Variants in IRX4 observed in about 807,000 individuals in gnomAD.
IRX4 encodes iroquois-class homeodomain protein IRX-4.
IRX4 carries 22 observed loss-of-function variants against 32.0 expected under a neutral mutation model. The ratio of observed to expected loss-of-function variants is 0.69; its 90% CI spans 0.49 to 0.98. The LOEUF is 0.98. IRX4 is among the 50% of genes least tolerant of loss of function. IRX4 has a pLI of 0.00. For synonymous variants in IRX4, 379 were observed against 351.7 expected (o/e 1.08, Z -0.87); for missense variants, 840 against 744.2 (o/e 1.13, Z -1.50).
rs546697150 is a variant in IRX4 at position 1,879,148 on chromosome 5, C to T, written c.736+356G>A. ...CTGGGACTACAGGCGCCCGCCACCA[C>T]GCCCGGCTAATTTTTTGTATTTTTA... On this transcript the variant is annotated intron_variant, in intron 4 of 4. Transcript: ENST00000231357. Among the ~76,000 whole-genome samples the T allele has an allele frequency of 4.6e-5, 7 of 152,208 alleles. No homozygotes were observed. In the South Asian group the frequency reaches 8.3e-4, roughly 18 times the overall value.
chr5:1,882,733 G>T lies in IRX4; in HGVS notation c.-86C>A. ...GTGGCGCGGCCACTGCTCCGGAGCT[G>T]CAGGCTTCTAGGCGCTGGGAGGGCG... On this transcript the variant is annotated 5_prime_UTR_variant, in exon 1 of 5. The change creates a premature stop within an existing upstream ORF in the 5' untranslated region. Transcript: ENST00000231357. The T allele has an allele frequency of 1.1e-6, 1 of 874,690 alleles. No homozygotes were observed. The highest frequency in any genetic ancestry group is 1.6e-6 in the Non-Finnish European group (1 of 626,024). The allele number at this position is 874,690 out of a possible 1,614,324, so 54.2% of individuals were successfully genotyped here.
chr5:1,882,868 C>A lies in IRX4; in HGVS notation c.-221G>T. On this transcript the variant is annotated 5_prime_UTR_variant, in exon 1 of 5. Coordinates refer to ENST00000231357, the MANE Select transcript of IRX4 (RefSeq NM_016358.3). ...TTCCTTTAACTTCGCATTCCGGAGG[C>A]TCGAGGGGGCTCTGGGACCGAGCGG... The A allele has an allele frequency of 2.6e-6, 1 of 388,728 alleles. No homozygotes were observed. Among genetic ancestry groups the A allele is most frequent in the Non-Finnish European group, 4.6e-6 (1 of 219,414 alleles). The allele number at this position is 388,728 out of a possible 1,614,324, so 24.1% of individuals were successfully genotyped here.
intron 2 of IRX4, 43 bp downstream of exon 2, chr5:1,881,765 C>T (rs530135047): frequency 6.4e-7 from 1 of 1,558,624 alleles, no homozygotes; most frequent in Non-Finnish European, 8.7e-7. Context: ...CTTGGCAAAT[C>T]GAGGGCCAGG....
At chr5:1,884,585 A>T (rs1735569129), upstream of IRX4, 1 of 152,294 alleles carries the variant, frequency 6.6e-6, no homozygotes, top group African/African-American at 2.4e-5. Context: ...CATGCAAATT[A>T]TTCAGACAGT....
chr5:1,878,758 A>G lies in IRX4; in HGVS notation c.771T>C (p.Leu257=), dbSNP rs759876801. ...PVGKEEKELE[L]SDLDDFDPLE... ...GCGGGTCGAAGTCGTCCAAGTCACT[A>G]AGCTCCAGCTCCTTCTCCTCTTTGC... Residue 257 remains leucine (L), a synonymous_variant, in exon 5 of 5, where the codon CTT becomes CTC. Coordinates refer to ENST00000231357, the MANE Select transcript of IRX4 (RefSeq NM_016358.3). 2.0e-5 allele frequency: 33 copies of G among 1,613,266 alleles called. No homozygotes were observed. In the South Asian group the frequency reaches 3.3e-4, roughly 16 times the overall value.
chr5:1,886,669 G>A (rs1456739193), upstream of IRX4, among the ~76,000 whole-genome samples: 4 of 151,976 alleles, frequency 2.6e-5, no homozygotes, highest in African/African-American at 4.8e-5. Context: ...AGCGCCGTCC[G>A]GGCGTCCAGG....
chr5:1,887,026 C>A, upstream of IRX4: 1 of 151,334 alleles, frequency 6.6e-6, no homozygotes. Context: ...GTCTCGGAAC[C>A]CCGGGGCGGG....
intron 4 of IRX4, 55 bp downstream of exon 4, chr5:1,879,449 G>A (rs990036123): frequency 1.2e-6 from 2 of 1,611,706 alleles, no homozygotes; most frequent in African/African-American, 1.3e-5. Flanking sequence ...CCGCAGAGAA[G>A]GCACTGTGCC....
At position 1,878,092 on chromosome 5, in the gene IRX4, G is replaced by T. The variant is rs757136693; in HGVS notation, c.1437C>A (p.Asn479Lys). The change falls in exon 5 of 5, where the codon AAC becomes AAA. Residue 479 changes from asparagine to lysine, a missense_variant. Asn to Lys is a moderately conservative substitution (Grantham distance 94, BLOSUM62 0). Transcript: ENST00000231357. The stretch of plus-strand genomic sequence containing the variant: ...CGCGGGCCAGGGGTGCAGTCAGCAC[G>T]TTCGCGCCCGCCCCCAGCGAGCGTC... ...PLGRSLGAGANVLTAPLARAF... is the reference protein window; with the variant it reads ...PLGRSLGAGAKVLTAPLARAF... 1.3e-6 allele frequency: 2 copies of T among 1,532,944 alleles called. No homozygotes were observed. The highest frequency in any genetic ancestry group is 1.7e-6 in the Non-Finnish European group (2 of 1,145,360). The allele number at this position is 1,532,944 out of a possible 1,614,324, so 95.0% of individuals were successfully genotyped here. A position where few individuals can be genotyped will look rare whatever the true frequency, so the allele number is the denominator to read the frequency against.
upstream of IRX4, chr5:1,884,015 A>T (rs1735548825): frequency 6.6e-6 from 1 of 152,216 alleles, no homozygotes; most frequent in Non-Finnish European, 1.5e-5. Context: ...GGAAGAGGGG[A>T]CCGAGCGCCC....
Position 1,877,933 on chromosome 5 carries a change from GCGCGGGTT to G in IRX4, c.*28_*35del. 6.8e-7 allele frequency: 1 copy of G among 1,474,278 alleles called. No individual in the cohort carries two copies. The highest frequency in any genetic ancestry group is 9.0e-7 in the Non-Finnish European group (1 of 1,108,416). The allele number at this position is 1,474,278 out of a possible 1,614,324, so 91.3% of individuals were successfully genotyped here. ...AAAAGAGTCGGCGCCGTCCGCCTGAGCGCGGGTTCCCTCCTGGGCTCGGGACCCGCCCG... is the reference window on the plus strand; with the variant it reads ...AAAAGAGTCGGCGCCGTCCGCCTGAGCCCTCCTGGGCTCGGGACCCGCCCG... On this transcript the variant is annotated 3_prime_UTR_variant, in exon 5 of 5. Transcript: ENST00000231357.
rs1735307596 is a variant in IRX4, at chr5:1,878,670, C to G, written c.859G>C (p.Glu287Gln). ...CCGTCGGGCGCGGCGGGGACGCGCT[C>G]CAGACCGCCGTCCAGGGAGTGGAAG... ...PPFHSLDGGL[E>Q]RVPAAPDGPV... is the part of the protein sequence containing the mutation. The change falls in exon 5 of 5, where the codon GAG (glutamate) becomes CAG (glutamine). Residue 287 changes from glutamate (E) to glutamine (Q), a missense_variant. Glu to Gln is a conservative substitution (Grantham distance 29, BLOSUM62 2). Around this residue, in one of 3 missense-constraint regions of IRX4, gnomAD observed 585 missense variants for 488.0 expected, o/e 1.20. Transcript: ENST00000231357. 6.3e-7 allele frequency: 1 copy of G among 1,584,694 alleles called. No homozygotes were observed.
At chr5:1,881,709 A>G in intron 2 of IRX4, 99 bp downstream of exon 2, 1 of 1,430,794 alleles carries the variant, frequency 7.0e-7, no homozygotes, top group South Asian at 1.3e-5. Flanking sequence ...CCCCTCTGTG[A>G]CAGTCCGGGG....
In IRX4 at chr5:1,878,528, G is replaced by A. The variant is rs1579248666; in HGVS notation, c.1001C>T (p.Pro334Leu). The A allele has an allele frequency of 2.8e-6, 4 of 1,443,696 alleles. No individual in the cohort carries two copies. The highest frequency in any genetic ancestry group is 1.5e-5 in the African/African-American group (1 of 67,166). The allele number at this position is 1,443,696 out of a possible 1,614,324, so 89.4% of individuals were successfully genotyped here. The change falls in exon 5 of 5, where the codon CCG (proline) becomes CTG (leucine). Residue 334 changes from proline (P) to leucine (L), a missense_variant. Pro to Leu is a moderately conservative substitution (Grantham distance 98). Around this residue, in one of 3 missense-constraint regions of IRX4, gnomAD observed 585 missense variants for 488.0 expected, o/e 1.20. Coordinates refer to ENST00000231357, the MANE Select transcript of IRX4 (RefSeq NM_016358.3). ...RSCLRSAAAG[P>L]EPLPGAEGGP... ...GCCCTCTGCGCCCGGCAGTGGCTCC[G>A]GCCCGGCCGCCGCGCTGCGGAGACA...
intron 1 of IRX4, among the ~76,000 whole-genome samples, 167 bp from the exon 2 acceptor site, chr5:1,882,226 G>C (rs576713423): frequency 6.6e-6 from 1 of 152,276 alleles, no homozygotes; most frequent in East Asian, 1.9e-4. Context: ...TGCGCGTCTG[G>C]CCTCCTCCGC....
At position 1,880,943 on chromosome 5, in the gene IRX4, G is replaced by A. The variant is rs1040904166; in HGVS notation, c.298-109C>T. 4.6e-5 allele frequency: 39 copies of A among 845,286 alleles called. No homozygotes were observed. The East Asian group carries it at 6.6e-4, about 14-fold the overall frequency. The allele number at this position is 845,286 out of a possible 1,614,324, so 52.4% of individuals were successfully genotyped here. ...AAGGCTTGGCAAGGATTCCTGGGCA[G>A]CCCTACGCCCCGGCAGGAAGGAGCT... On this transcript the variant is annotated intron_variant, in intron 2 of 4. Transcript: ENST00000231357.
chr5:1,885,619 C>T (rs1735604599), upstream of IRX4, among the ~76,000 whole-genome samples: 1 of 152,124 alleles, frequency 6.6e-6, no homozygotes, highest in Admixed American at 6.5e-5. Context: ...ACCCAGGCCC[C>T]ACTACTCATT....
At chr5:1,880,143 C>A (rs1735378028) in intron 3 of IRX4, 12 of 1,535,310 alleles carry the variant, frequency 7.8e-6, no homozygotes, top group African/African-American at 2.7e-5. Flanking sequence ...GCCGTTTGAT[C>A]CTCAAACCAT....
chr5:1,886,342 G>A (rs1003461123), upstream of IRX4, among the ~76,000 whole-genome samples: 1 of 152,250 alleles, frequency 6.6e-6, no homozygotes, highest in South Asian at 2.1e-4. Flanking sequence ...CCAGGCAAGG[G>A]CCTTTCTTTC....
Sources: allele counts gnomAD v4.1 joint callset (sites outside exome capture counted in the v4.1 genomes callset), GRCh38; gene constraint gnomAD v4.1.1; regional missense constraint gnomAD v4.1.1; transcripts MANE v1.5; gene names NCBI Gene and HGNC (gene_info 2026-07-23, HGNC 2026-07-21).